Variants in RNF144A observed in about 807,000 individuals in gnomAD.
The protein encoded by RNF144A is ring finger protein 144A.
RNF144A carries 11 observed loss-of-function variants against 38.7 expected under a neutral mutation model. The observed-to-expected ratio is 0.28, with a 90% CI of 0.18 to 0.47. The LOEUF (loss-of-function observed/expected upper bound fraction) is 0.47. RNF144A is among the 20% of genes least tolerant of loss of function. RNF144A has a pLI of 0.99. For missense variants in RNF144A, 316 were observed against 377.2 expected, an observed-to-expected ratio of 0.84 and a Z score of 1.34; for synonymous variants, 149 against 143.9, an observed-to-expected ratio of 1.04 and a Z score of -0.25.
chr2:6,959,906 G>A (rs80223291), intron 2 of RNF144A, among the ~76,000 whole-genome samples: 3,023 of 152,172 alleles, frequency 0.02, 98 homozygotes, highest in African/African-American at 0.07. Flanking sequence ...TGGATTCCCC[G>A]GGACTTGTCT....
intron 1 of RNF144A, among the ~76,000 whole-genome samples, chr2:6,940,724 A>C (rs1378463416): frequency 3.3e-5 from 5 of 151,974 alleles, no homozygotes; most frequent in Non-Finnish European, 7.4e-5. Flanking sequence ...GTTATCTCAG[A>C]ATTGTCTGTG....
intron 2 of RNF144A, among the ~76,000 whole-genome samples, chr2:6,966,461 C>T (rs896995582): frequency 6.6e-6 from 1 of 152,204 alleles, no homozygotes; most frequent in Admixed American, 6.5e-5. Context: ...CCGTGGTCAG[C>T]GTCACCCACT....
At chr2:6,937,389 A>G (rs1665660910) in intron 1 of RNF144A, among the ~76,000 whole-genome samples, 4 of 152,192 alleles carry the variant, frequency 2.6e-5, no homozygotes, top group Admixed American at 2.6e-4. Flanking sequence ...CTGGGCTCCC[A>G]ACACACCCCT....
chr2:6,943,182 T>G lies in RNF144A; in HGVS notation c.-12+2035T>G, dbSNP rs1666127518. Among the ~76,000 whole-genome samples the G allele has an allele frequency of 6.6e-6, 1 of 152,006 alleles. No individual in the cohort carries two copies. The highest frequency in any genetic ancestry group is 2.4e-5 in the African/African-American group (1 of 41,362). ...GAATAAGATCAGATGAGATCCCCAG[T>G]GAAAGAAGAGAGGAGTTGTAAGGAC... On this transcript the variant is annotated intron_variant, in intron 2 of 8. Coordinates refer to ENST00000320892, the MANE Select transcript of RNF144A (RefSeq NM_014746.6). The surrounding 1 kb of genome is among the most constrained non-coding windows in gnomAD (Gnocchi z 4.3).
Position 7,041,840 on chromosome 2 carries a change from G to T in RNF144A, c.*2080G>T, listed in dbSNP as rs544764165. 2.0e-6 allele frequency: 2 copies of T among 985,336 alleles called. No individual in the cohort carries two copies. Among genetic ancestry groups the T allele is most frequent in the South Asian group, 4.7e-5 (1 of 21,288 alleles). 61.0% of individuals were successfully genotyped at this position (985,336 alleles called of 1,614,324 possible). ...CTTAGGATGAGAGTCAGAGCCTTTG[G>T]AAAGGCTGCATCCCCAGGGCTAGAG... On this transcript the variant is annotated 3_prime_UTR_variant, in exon 9 of 9. Coordinates refer to ENST00000320892, the MANE Select transcript of RNF144A (RefSeq NM_014746.6).
At chr2:6,984,175 T>A (rs1188716377) in intron 2 of RNF144A, among the ~76,000 whole-genome samples, 1 of 152,172 alleles carries the variant, frequency 6.6e-6, no homozygotes. Context: ...TCTTACCGAT[T>A]TATCTATTTA....
At chr2:6,991,751 GTCTC>G (rs998957554) in intron 2 of RNF144A, among the ~76,000 whole-genome samples, 10 of 151,970 alleles carry the variant, frequency 6.6e-5, no homozygotes, top group Middle Eastern at 3.4e-3. Context: ...ACATTTAACA[GTCTC>G]TCTCTCTCAT....
chr2:7,070,296 G>A (rs374112329), downstream of RNF144A, among the ~76,000 whole-genome samples: 356 of 152,098 alleles, frequency 2.3e-3, 2 homozygotes, highest in African/African-American at 8.2e-3. Flanking sequence ...TCAGCCTCCC[G>A]AGTAGCTGTG....
intron 2 of RNF144A, among the ~76,000 whole-genome samples, chr2:6,986,577 T>A (rs1214018153): frequency 1.3e-5 from 2 of 152,160 alleles, no homozygotes; most frequent in African/African-American, 4.8e-5. Flanking sequence ...GGCTCTTTGT[T>A]GAACAGAGTG....
Position 7,010,494 on chromosome 2 carries a change from C to T in RNF144A, c.136-3960C>T, listed in dbSNP as rs183965936. 1.1e-4 allele frequency among the ~76,000 whole-genome samples: 16 copies of T among 152,184 alleles called. No homozygotes were observed. In the East Asian group the frequency reaches 1.9e-3, roughly 18 times the overall value. On this transcript the variant is annotated intron_variant, in intron 3 of 8. Transcript: ENST00000320892. ...GGATCATCAGTAGCCAGCAGGCCTT[C>T]GTGTGAAAAAGCAGACAAAAATCAG...
At position 6,943,156 on chromosome 2, in the gene RNF144A, G is replaced by A. The variant is rs541344467; in HGVS notation, c.-12+2009G>A. 2.6e-5 allele frequency among the ~76,000 whole-genome samples: 4 copies of A among 152,344 alleles called. No homozygotes were observed. The highest frequency in any genetic ancestry group is 6.5e-5 in the Admixed American group (1 of 15,308). ...CTTTGGCCTCTGTTTGGTATTTCAA[G>A]GAATAAGATCAGATGAGATCCCCAG... On this transcript the variant is annotated intron_variant, in intron 2 of 8. Coordinates refer to ENST00000320892, the MANE Select transcript of RNF144A (RefSeq NM_014746.6). The surrounding 1 kb of genome is among the most constrained non-coding windows in gnomAD (Gnocchi z 4.3).
At chr2:6,955,812 G>A (rs1016012122) in intron 2 of RNF144A, among the ~76,000 whole-genome samples, 2 of 152,076 alleles carry the variant, frequency 1.3e-5, no homozygotes, top group African/African-American at 4.8e-5. Flanking sequence ...TTTGCTACAG[G>A]CCCTTTACTG....
intron 5 of RNF144A, among the ~76,000 whole-genome samples, chr2:7,015,144 GGAGGGAAGTCGT>G (rs1381157324): frequency 4.6e-5 from 7 of 152,158 alleles, no homozygotes; most frequent in African/African-American, 1.7e-4. Context: ...GCAGAGTCAT[GGAGGGAAGTCGT>G]GAGGGTAGGC....
chr2:7,028,237 C>T (rs1384377408), intron 7 of RNF144A, among the ~76,000 whole-genome samples: 1 of 152,200 alleles, frequency 6.6e-6, no homozygotes, highest in Non-Finnish European at 1.5e-5. Flanking sequence ...TACCAAAGAC[C>T]TGGGCACGAT....
intron 2 of RNF144A, among the ~76,000 whole-genome samples, chr2:6,957,676 ATC>A (rs1431994726): frequency 9.2e-5 from 14 of 152,196 alleles, no homozygotes; most frequent in Non-Finnish European, 1.9e-4. Context: ...TGACACTGTA[ATC>A]TCTCTAAATA....
chr2:6,976,765 TTGTC>T (rs1668342179), intron 2 of RNF144A, among the ~76,000 whole-genome samples: 1 of 151,796 alleles, frequency 6.6e-6, no homozygotes, highest in Non-Finnish European at 1.5e-5. Context: ...ACCCTTTCCT[TTGTC>T]TGTTGTACCA....
In RNF144A at chr2:7,042,046, G is replaced by A. The variant is rs309302; in HGVS notation, c.*2286G>A. On this transcript the variant is annotated 3_prime_UTR_variant, in exon 9 of 9. Coordinates refer to ENST00000320892, the MANE Select transcript of RNF144A (RefSeq NM_014746.6). ...GGGGCCAGCCAGGGGCAGTCAAATT[G>A]GCACCTACTGGCTCTGACTTTTTGT... The A allele has an allele frequency of 0.62, 606,969 of 985,058 alleles. 189,654 individuals are homozygous for A. The highest frequency in any genetic ancestry group is 0.87 in the South Asian group (18,601 of 21,280). The allele number at this position is 985,058 out of a possible 1,614,324, so 61.0% of individuals were successfully genotyped here. A position where few individuals can be genotyped will look rare whatever the true frequency, so the allele number is the denominator to read the frequency against.
downstream of RNF144A, among the ~76,000 whole-genome samples, chr2:7,047,408 G>A (rs1372152014): frequency 2.0e-4 from 31 of 152,172 alleles, no homozygotes; most frequent in Admixed American, 2.0e-3. Context: ...TGGCGGGGGA[G>A]GCCTCAGAGT....
chr2:7,020,766 A>G (rs1461126604), intron 6 of RNF144A, 86 bp downstream of exon 6: 5 of 1,253,370 alleles, frequency 4.0e-6, no homozygotes, highest in South Asian at 1.3e-5. Context: ...GTGCTGTTAC[A>G]GTGTAAGTGG....
Sources: gnomAD v4.1 joint callset for allele counts (sites outside exome capture counted in the v4.1 genomes callset) on GRCh38, gnomAD v4.1.1 for gene constraint, Gnocchi (gnomAD v3.1) non-coding constraint, MANE v1.5 for transcripts, NCBI Gene and HGNC (gene_info 2026-07-23, HGNC 2026-07-21) for gene names.